Variants in PTPRN2 observed in about 807,000 individuals in gnomAD.
PTPRN2 encodes the protein receptor-type tyrosine-protein phosphatase N2.
PTPRN2 carries 74 observed loss-of-function variants against 118.8 expected under a neutral mutation model. The ratio of observed to expected loss-of-function variants is 0.62; its 90% CI spans 0.52 to 0.76. The LOEUF (loss-of-function observed/expected upper bound fraction) is 0.76, where lower values mean the gene tolerates loss of function less well. PTPRN2 is among the 30% of genes least tolerant of loss of function. The pLI is 0.00. For missense variants in PTPRN2, 1,481 were observed against 1,394.4 expected (o/e 1.06, Z -0.99); for synonymous variants, 641 against 608.0 (o/e 1.05, Z -0.80).
intron 2 of PTPRN2, among the ~76,000 whole-genome samples, chr7:158,440,315 C>G (rs1816897864): frequency 6.6e-6 from 1 of 152,224 alleles, no homozygotes; most frequent in Non-Finnish European, 1.5e-5. Flanking sequence ...AAATCAGAGG[C>G]TGTGGTGGCT....
chr7:158,313,997 G>A (rs929856812), intron 3 of PTPRN2, among the ~76,000 whole-genome samples: 6 of 151,716 alleles, frequency 4.0e-5, no homozygotes, highest in East Asian at 1.9e-4. Flanking sequence ...ATCCCAGGAC[G>A]CCCACCCAGG....
At chr7:158,356,282 G>A (rs1432511911) in intron 2 of PTPRN2, among the ~76,000 whole-genome samples, 1 of 152,090 alleles carries the variant, frequency 6.6e-6, no homozygotes, top group East Asian at 1.9e-4. Context: ...CCTACTACAT[G>A]CATTTTTTAT....
chr7:158,373,174 A>G (rs1810230215), intron 2 of PTPRN2, among the ~76,000 whole-genome samples: 1 of 152,258 alleles, frequency 6.6e-6, no homozygotes, highest in Admixed American at 6.5e-5. Context: ...TAAGACTAAT[A>G]TGACAGCAGA....
At chr7:157,713,293 A>G (rs2150895374) in intron 12 of PTPRN2, among the ~76,000 whole-genome samples, 1 of 152,282 alleles carries the variant, frequency 6.6e-6, no homozygotes, top group East Asian at 1.9e-4. Context: ...ATTATTGACA[A>G]CATCGTGGAA....
Position 157,621,145 on chromosome 7 carries a change from C to T in PTPRN2, c.2344+217G>A, listed in dbSNP as rs375514558. On this transcript the variant is annotated intron_variant, in intron 15 of 22. Transcript: ENST00000389418. ...TCCCCCTCCTGTAACCCAGTCCTCC[C>T]GCCCCCGGTGCTGGTATGTACAGGT... is the stretch of plus-strand genomic sequence containing the variant. Among the ~76,000 whole-genome samples, 393 of 39,672 alleles carry T rather than the reference C, an allele frequency of 9.9e-3. 15 individuals carry two copies. Among genetic ancestry groups the T allele is most frequent in the African/African-American group, 0.021 (334 of 15,626 alleles). The allele number at this position is 39,672 out of a possible 152,430, so 26.0% of individuals were successfully genotyped here.
intron 12 of PTPRN2, among the ~76,000 whole-genome samples, chr7:157,732,351 C>T (rs1396552109): frequency 0.026 from 265 of 10,390 alleles, 110 homozygotes; most frequent in Non-Finnish European, 0.03. Flanking sequence ...GTTACCCTTT[C>T]CCGTCCCACA....
chr7:158,024,814 A>C, intron 11 of PTPRN2, among the ~76,000 whole-genome samples: 1 of 152,240 alleles, frequency 6.6e-6, no homozygotes, highest in East Asian at 1.9e-4. Context: ...CATTGACCTC[A>C]ATTCCTTTCC....
chr7:158,190,182 G>A (rs1825650353), intron 5 of PTPRN2, among the ~76,000 whole-genome samples: 2 of 152,128 alleles, frequency 1.3e-5, no homozygotes, highest in South Asian at 4.1e-4. Context: ...ACACCTCCAG[G>A]GCCACTACCC....
At chr7:157,599,013 C>CTTTT (rs535002797) in intron 16 of PTPRN2, among the ~76,000 whole-genome samples, 2 of 145,610 alleles carry the variant, frequency 1.4e-5, no homozygotes, top group Admixed American at 6.8e-5. Context: ...TCTGTTTTTA[C>CTTTT]TTTTTTTTTT....
chr7:158,436,357 G>A (rs569664982), intron 2 of PTPRN2, among the ~76,000 whole-genome samples: 1 of 152,168 alleles, frequency 6.6e-6, no homozygotes, highest in East Asian at 1.9e-4. Flanking sequence ...CTTTTCGTAG[G>A]AGTCATCTGT....
intron 21 of PTPRN2, among the ~76,000 whole-genome samples, chr7:157,565,856 T>C (rs1404601135): frequency 6.6e-6 from 1 of 152,130 alleles, no homozygotes; most frequent in Admixed American, 6.5e-5. Flanking sequence ...AATCGTCTAT[T>C]ATCGGTGAGT....
chr7:158,290,067 C>A (rs937312098), intron 3 of PTPRN2, among the ~76,000 whole-genome samples: 14 of 152,162 alleles, frequency 9.2e-5, no homozygotes, highest in African/African-American at 3.4e-4. Context: ...TCTGAAGGGG[C>A]TGTCCTGGGG....
At chr7:158,377,588 T>C (rs1029778938) in intron 2 of PTPRN2, among the ~76,000 whole-genome samples, 2 of 151,940 alleles carry the variant, frequency 1.3e-5, no homozygotes, top group Non-Finnish European at 2.9e-5. Flanking sequence ...GGGGTGGAAA[T>C]GCACACACAA....
chr7:158,252,549 A>G (rs1169188394), intron 3 of PTPRN2, among the ~76,000 whole-genome samples: 1 of 152,106 alleles, frequency 6.6e-6, no homozygotes, highest in African/African-American at 2.4e-5. Flanking sequence ...GTTACCAAAG[A>G]CAAACAAGAG....
chr7:158,269,791 G>A (rs1157473163), intron 3 of PTPRN2, among the ~76,000 whole-genome samples: 1 of 151,972 alleles, frequency 6.6e-6, no homozygotes, highest in Non-Finnish European at 1.5e-5. Context: ...GAGAGACAAA[G>A]GGAGCAGGAG....
chr7:158,193,629 G>A (rs1825956512), intron 4 of PTPRN2, among the ~76,000 whole-genome samples: 1 of 152,010 alleles, frequency 6.6e-6, no homozygotes, highest in South Asian at 2.1e-4. Context: ...CTCAGCCTGG[G>A]ACACGATGGG....
Position 157,697,326 on chromosome 7 carries a change from C to A in PTPRN2, c.1789-14389G>T, listed in dbSNP as rs371910225. Reference sequence around the variant, plus strand: ...TCTTGGCAGAGCCCTCACCATCTACCCATGCATACTGGATCTTAGTAGAGC... The same window carrying A: ...TCTTGGCAGAGCCCTCACCATCTACACATGCATACTGGATCTTAGTAGAGC... On this transcript the variant is annotated intron_variant, in intron 12 of 22. Coordinates refer to ENST00000389418, the MANE Select transcript of PTPRN2 (RefSeq NM_002847.5). Among the ~76,000 whole-genome samples, 590 of 139,646 alleles carry A rather than the reference C, an allele frequency of 4.2e-3. 12 individuals are homozygous for A. The South Asian group carries it at 0.093, about 22-fold the overall frequency. The allele number at this position is 139,646 out of a possible 152,430, so 91.6% of individuals were successfully genotyped here.
At chr7:158,554,146 G>A (rs1826833152) in intron 1 of PTPRN2, among the ~76,000 whole-genome samples, 1 of 152,288 alleles carries the variant, frequency 6.6e-6, no homozygotes, top group Admixed American at 6.5e-5. Context: ...TGTGCCTGTA[G>A]TCCCAGCTAC....
intron 3 of PTPRN2, among the ~76,000 whole-genome samples, chr7:158,277,833 G>A (rs183636207): frequency 1.0e-3 from 152 of 152,314 alleles, no homozygotes; most frequent in African/African-American, 2.5e-3. Context: ...AGAGGAATCC[G>A]CCTTCAGGGA....
Sources: gnomAD v4.1 joint callset for allele counts (sites outside exome capture counted in the v4.1 genomes callset) on GRCh38, gnomAD v4.1.1 for gene constraint, MANE v1.5 for transcripts, NCBI Gene and HGNC (gene_info 2026-07-23, HGNC 2026-07-21) for gene names.